STOX2: variants seen among roughly 807,000 people sequenced by gnomAD.
STOX2 encodes storkhead-box protein 2.
A neutral mutation model predicts 60.9 loss-of-function variants in STOX2; 28 were observed. That is an observed-to-expected ratio of 0.46 (90% CI 0.34 to 0.63). The LOEUF (loss-of-function observed/expected upper bound fraction) is 0.63, where lower values mean the gene tolerates loss of function less well. Ranked by LOEUF, STOX2 falls within the 30% of genes least tolerant of loss-of-function variation. The probability of loss-of-function intolerance (pLI) is 0.01; values close to 1 mark genes in which losing one functional copy is unlikely to be tolerated. For missense variants in STOX2, 1,024 were observed against 1,187.7 expected (o/e 0.86, Z 2.03); for synonymous variants, 472 against 463.9 (o/e 1.02, Z -0.22).
intron 1 of STOX2, among the ~76,000 whole-genome samples, chr4:183,935,951 A>G (rs1416224685): frequency 6.6e-6 from 1 of 152,214 alleles, no homozygotes; most frequent in Non-Finnish European, 1.5e-5. Context: ...GAAGCATCCT[A>G]AATTTTTTTG....
chr4:183,922,332 C>T (rs1233577559), intron 1 of STOX2, among the ~76,000 whole-genome samples: 1 of 150,174 alleles, frequency 6.7e-6, no homozygotes, highest in Non-Finnish European at 1.5e-5. Context: ...ACACATAATG[C>T]AAAAGTTACC....
intron 1 of STOX2, among the ~76,000 whole-genome samples, chr4:183,824,578 TTG>T (rs1226025494): frequency 3.2e-4 from 49 of 152,198 alleles, no homozygotes; most frequent in African/African-American, 1.1e-3. Flanking sequence ...AAAGATATTA[TTG>T]TGTGATTATA....
At chr4:183,866,006 A>G (rs13435909) in intron 1 of STOX2, among the ~76,000 whole-genome samples, 84,479 of 151,978 alleles carry the variant, frequency 0.56, 23,583 homozygotes, top group South Asian at 0.59. Flanking sequence ...ATTGTCATGG[A>G]TCTAATGATC....
intron 1 of STOX2, among the ~76,000 whole-genome samples, chr4:183,832,597 T>C (rs898539368): frequency 4.6e-5 from 7 of 151,064 alleles, no homozygotes; most frequent in Non-Finnish European, 7.4e-5. Flanking sequence ...TTCAAGCGAT[T>C]CTCCTGCCTC....
chr4:183,956,684 G>GT (rs1050333336), intron 1 of STOX2, among the ~76,000 whole-genome samples: 3 of 151,978 alleles, frequency 2.0e-5, no homozygotes, highest in African/African-American at 7.2e-5. Context: ...TAACATTCAC[G>GT]TTTTTTCTGT....
At position 184,009,176 on chromosome 4, in the gene STOX2, A is replaced by G; in HGVS notation, c.338A>G (p.Gln113Arg). 1 of 1,030,242 alleles carries G rather than the reference A, an allele frequency of 9.7e-7. No individual in the cohort carries two copies. Among genetic ancestry groups the G allele is most frequent in the Non-Finnish European group, 1.3e-6 (1 of 745,630 alleles). 63.8% of individuals were successfully genotyped at this position (1,030,242 alleles called of 1,614,324 possible). Reference protein sequence around the residue: ...TCFPGVPTPSQEILRHTLNTL... With the variant: ...TCFPGVPTPSREILRHTLNTL... The stretch of plus-strand genomic sequence containing the variant: ...TTTTCAGGTGTTCCAACGCCAAGCC[A>G]AGAAATTCTGCGGCACACGCTGAAC... Residue 113 changes from glutamine (Q) to arginine (R), a missense_variant, in exon 3 of 4, where the codon CAA becomes CGA. This residue lies in a region of STOX2 where 922 missense variants were observed against 1,058.3 expected (regional missense o/e 0.87). Transcript: ENST00000308497. The surrounding 1 kb of genome is among the most constrained non-coding windows in gnomAD (Gnocchi z 4.0).
intron 1 of STOX2, among the ~76,000 whole-genome samples, chr4:183,804,567 T>A (rs1424651355): frequency 6.6e-6 from 1 of 152,222 alleles, no homozygotes; most frequent in Non-Finnish European, 1.5e-5. Context: ...TCCAGAAATG[T>A]GCACTGGGTT....
rs144532799 is a variant in STOX2 at position 183,858,416 on chromosome 4, T to C, written c.364+60361T>C. On this transcript the variant is annotated intron_variant, in intron 1 of 2. Transcript: ENST00000513034. ...GGCAGCTCTTCTGCTGTCGTTGCGC[T>C]CAGCTCTGCTTCCGACTTTCCATTC... 7.3e-3 allele frequency among the ~76,000 whole-genome samples: 1,114 copies of C among 152,318 alleles called. 11 individuals carry two copies. The highest frequency in any genetic ancestry group is 0.026 in the African/African-American group (1,092 of 41,562).
At chr4:183,824,762 C>A (rs933551547) in intron 1 of STOX2, among the ~76,000 whole-genome samples, 1 of 152,138 alleles carries the variant, frequency 6.6e-6, no homozygotes, top group African/African-American at 2.4e-5. Context: ...ATACTAGGCG[C>A]CATGGGAGAG....
intron 1 of STOX2, among the ~76,000 whole-genome samples, chr4:183,808,016 C>G (rs1738948077): frequency 6.6e-6 from 1 of 152,202 alleles, no homozygotes; most frequent in African/African-American, 2.4e-5. Context: ...AGCGCGGGTT[C>G]CCGTAGCAGA....
At chr4:183,817,648 C>T (rs577711828) in intron 1 of STOX2, among the ~76,000 whole-genome samples, 42 of 152,266 alleles carry the variant, frequency 2.8e-4, no homozygotes, top group African/African-American at 1.0e-3. Context: ...ACTCTCAAGA[C>T]TTCGTGAGAG....
At chr4:183,819,581 G>T (rs1389364143) in intron 1 of STOX2, among the ~76,000 whole-genome samples, 10 of 126,514 alleles carry the variant, frequency 7.9e-5, no homozygotes, top group Admixed American at 2.3e-4. Context: ...AGGGGGAGGG[G>T]GAGGGAGAGG....
intron 1 of STOX2, among the ~76,000 whole-genome samples, chr4:183,988,986 A>G (rs888074374): frequency 6.6e-6 from 1 of 152,096 alleles, no homozygotes; most frequent in Non-Finnish European, 1.5e-5. Context: ...TGGGCTGCCC[A>G]CCACACACGA....
Position 184,010,777 on chromosome 4 carries a change from T to C in STOX2, c.1939T>C (p.Ser647Pro), listed in dbSNP as rs770015994. The C allele has an allele frequency of 1.9e-6, 3 of 1,580,970 alleles. No homozygotes were observed. In the Admixed American group the frequency reaches 5.3e-5, roughly 28 times the overall value. The change falls in exon 3 of 4, where the codon TCC (serine) becomes CCC (proline). Residue 647 changes from serine (S) to proline (P), a missense_variant. By Grantham distance (74) the Ser-to-Pro change is moderately conservative (BLOSUM62 -1). This residue lies in a region of STOX2 where 922 missense variants were observed against 1,058.3 expected (regional missense o/e 0.87). Coordinates refer to ENST00000308497, the MANE Select transcript of STOX2 (RefSeq NM_020225.3). This position sits in a 1 kb window ranked among gnomAD's most constrained non-coding sequence, Gnocchi z 4.5. ...TTCTGATAGGCAGGTCCCCCACTCC[T>C]CCAGGGAGCCTGTGGGGCACAAGGA... ...SPSDRQVPHSSREPVGHKEES... is the reference protein window; with the variant it reads ...SPSDRQVPHSPREPVGHKEES...
chr4:183,852,536 GGAAAGGATGAGGGAAAGGATGAGA>G (rs1560846512), intron 1 of STOX2, among the ~76,000 whole-genome samples: 3 of 4,034 alleles, frequency 7.4e-4, no homozygotes, highest in Non-Finnish European at 1.9e-3. Flanking sequence ...AAAGGATGAG[GGAAAGGATGAGGGAAAGGATGAGA>G]GAAAGGATGA....
chr4:183,834,695 G>T (rs1295154307), intron 1 of STOX2, among the ~76,000 whole-genome samples: 1 of 152,228 alleles, frequency 6.6e-6, no homozygotes, highest in African/African-American at 2.4e-5. Context: ...TAGGCAAAGA[G>T]AACACAAAGT....
intron 1 of STOX2, among the ~76,000 whole-genome samples, chr4:183,998,554 G>C (rs1194042669): frequency 6.6e-6 from 1 of 152,130 alleles, no homozygotes; most frequent in African/African-American, 2.4e-5. Context: ...TGTGTTTATT[G>C]ATTTAGAGAC....
intron 2 of STOX2, among the ~76,000 whole-genome samples, chr4:184,006,504 G>C (rs1287928688): frequency 4.0e-5 from 6 of 151,768 alleles, no homozygotes; most frequent in African/African-American, 1.5e-4. Flanking sequence ...GAGCCCAGGA[G>C]TTCGAGACCA....
chr4:183,812,941 G>A (rs546674372), intron 1 of STOX2, among the ~76,000 whole-genome samples: 1 of 152,274 alleles, frequency 6.6e-6, no homozygotes, highest in South Asian at 2.1e-4. Flanking sequence ...GCCTTCTCAA[G>A]TCATAAAAGT....
Sources: allele counts gnomAD v4.1 joint callset (sites outside exome capture counted in the v4.1 genomes callset), GRCh38; gene constraint gnomAD v4.1.1; regional missense constraint gnomAD v4.1.1; non-coding constraint Gnocchi (gnomAD v3.1); transcripts MANE v1.5; gene names NCBI Gene and HGNC (gene_info 2026-07-23, HGNC 2026-07-21).